Variants in CDC14B observed in about 807,000 individuals in gnomAD.
CDC14B encodes dual specificity protein phosphatase CDC14B.
A neutral mutation model predicts 64.2 loss-of-function variants in CDC14B; 22 were observed. The observed-to-expected ratio is 0.34, with a 90% CI of 0.24 to 0.49. CDC14B has a LOEUF of 0.49. Ranked by LOEUF, CDC14B falls within the 20% of genes least tolerant of loss-of-function variation. CDC14B has a pLI of 0.99. For missense variants in CDC14B, 498 were observed against 629.9 expected (o/e 0.79, Z 2.24); for synonymous variants, 191 against 215.8 (o/e 0.89, Z 1.01).
intron 1 of CDC14B, among the ~76,000 whole-genome samples, chr9:96,614,271 T>C (rs1445497628): frequency 6.6e-6 from 1 of 152,018 alleles, no homozygotes; most frequent in Non-Finnish European, 1.5e-5. Flanking sequence ...AGTTTCACTA[T>C]GTCTCTTTTG....
intron 1 of CDC14B, among the ~76,000 whole-genome samples, chr9:96,566,611 T>C (rs375631455): frequency 6.6e-6 from 1 of 152,116 alleles, no homozygotes; most frequent in South Asian, 2.1e-4. Context: ...ATGAGCGCTG[T>C]AGCCCAGAGC....
chr9:96,614,256 G>A (rs1235885931), intron 1 of CDC14B, among the ~76,000 whole-genome samples: 2 of 147,902 alleles, frequency 1.4e-5, no homozygotes, highest in Non-Finnish European at 3.0e-5. Context: ...TTTTTTTTGA[G>A]ACGGAGTTTC....
chr9:96,566,729 C>T (rs758549727), intron 1 of CDC14B: 23 of 1,581,974 alleles, frequency 1.5e-5, no homozygotes, highest in Admixed American at 1.7e-5. Context: ...AGCGCGGGTG[C>T]CGGAGCCCCC....
chr9:96,587,987 T>C (rs1588037308), intron 1 of CDC14B, among the ~76,000 whole-genome samples: 1 of 152,082 alleles, frequency 6.6e-6, no homozygotes, highest in East Asian at 1.9e-4. Context: ...CTTTATACGA[T>C]ATGGCTTTCA....
chr9:96,613,012 C>A (rs1186414109), intron 1 of CDC14B, among the ~76,000 whole-genome samples: 3 of 152,188 alleles, frequency 2.0e-5, no homozygotes, highest in Non-Finnish European at 2.9e-5. Flanking sequence ...TAGCACAGGA[C>A]TAACTAGGAG....
At chr9:96,578,124 C>T (rs1844917530) in intron 1 of CDC14B, among the ~76,000 whole-genome samples, 1 of 152,162 alleles carries the variant, frequency 6.6e-6, no homozygotes, top group Admixed American at 6.5e-5. Context: ...ACCTGAAAAA[C>T]TGCAATAGTC....
intron 12 of CDC14B, among the ~76,000 whole-genome samples, chr9:96,519,241 C>A (rs1836270018): frequency 6.6e-6 from 1 of 152,166 alleles, no homozygotes; most frequent in African/African-American, 2.4e-5. Context: ...GAACGACAGG[C>A]CTCATGGCTC....
intron 9 of CDC14B, among the ~76,000 whole-genome samples, chr9:96,530,412 C>T (rs1838278037): frequency 1.3e-5 from 2 of 150,492 alleles, no homozygotes; most frequent in Admixed American, 6.6e-5. Flanking sequence ...CCTGCCTTAG[C>T]ATGCGCCACG....
chr9:96,546,738 C>A (rs933021727), intron 5 of CDC14B, among the ~76,000 whole-genome samples: 1 of 151,888 alleles, frequency 6.6e-6, no homozygotes, highest in African/African-American at 2.4e-5. Flanking sequence ...GCGTGAGCCA[C>A]CGCGCCCGGC....
intron 5 of CDC14B, among the ~76,000 whole-genome samples, chr9:96,549,764 G>C (rs1290778952): frequency 6.6e-6 from 1 of 152,154 alleles, no homozygotes; most frequent in Non-Finnish European, 1.5e-5. Context: ...TTCTAGCTAA[G>C]TCTTGCCTTT....
intron 1 of CDC14B, among the ~76,000 whole-genome samples, chr9:96,613,863 A>C (rs1847465892): frequency 6.6e-6 from 1 of 152,370 alleles, no homozygotes; most frequent in African/African-American, 2.4e-5. Context: ...ATGAATATGC[A>C]TGACTATTTT....
At chr9:96,599,979 C>T (rs1269812885) in intron 1 of CDC14B, among the ~76,000 whole-genome samples, 1 of 152,182 alleles carries the variant, frequency 6.6e-6, no homozygotes, top group Non-Finnish European at 1.5e-5. Flanking sequence ...ATCCATCCAC[C>T]TTGGCATCCC....
At chr9:96,598,380 A>G (rs16911384) in intron 1 of CDC14B, among the ~76,000 whole-genome samples, 1 of 152,216 alleles carries the variant, frequency 6.6e-6, no homozygotes, top group African/African-American at 2.4e-5. Context: ...TCTGTCACCC[A>G]GGCTGGAGTG....
chr9:96,582,899 G>A (rs1048029075), intron 1 of CDC14B, among the ~76,000 whole-genome samples: 8 of 152,266 alleles, frequency 5.3e-5, no homozygotes, highest in Admixed American at 1.3e-4. Flanking sequence ...GGCCTGGGTT[G>A]TTTATTTACT....
intron 1 of CDC14B, among the ~76,000 whole-genome samples, chr9:96,574,737 TAAC>T (rs1273067493): frequency 4.1e-5 from 6 of 147,576 alleles, no homozygotes; most frequent in African/African-American, 1.6e-4. Context: ...TGTTTCTGTT[TAAC>T]ACAGGAGCCC....
rs199974150 is a variant in CDC14B, at chr9:96,534,016, G to A, written c.857C>T (p.Ala286Val). Residue 286 changes from alanine (A) to valine (V), a missense_variant, in exon 9 of 14, where the codon GCG (alanine) becomes GTG (valine). Transcript: ENST00000375241. ...AGFDHHDLFF[A>V]DGSTPTDAIV... Reference sequence around the variant, plus strand: ...GGCATCAGTAGGGGTGCTGCCATCCGCAAAGAAAAGATCATGGTGATCGAA... The same window carrying A: ...GGCATCAGTAGGGGTGCTGCCATCCACAAAGAAAAGATCATGGTGATCGAA... 34 of 1,612,552 alleles carry A rather than the reference G, an allele frequency of 2.1e-5. No homozygotes were observed. In the East Asian group the frequency reaches 3.1e-4, roughly 15 times the overall value.
In CDC14B at chr9:96,534,525, A is replaced by G; in HGVS notation, c.645T>C (p.Asp215=). 1 of 1,613,076 alleles carries G rather than the reference A, an allele frequency of 6.2e-7. No homozygotes were observed. The highest frequency in any genetic ancestry group is 8.5e-7 in the Non-Finnish European group (1 of 1,179,148). ...ATCGGTCTGGTATTATCCAATTTAA[A>G]TCTCCATTTTCTGCTTTCTGCAAGG... ...YEHYEKAENG[D]LNWIIPDRFI... Residue 215 remains aspartate, a synonymous_variant, in exon 8 of 14, where the codon GAT becomes GAC. Coordinates refer to ENST00000375241, the MANE Select transcript of CDC14B (RefSeq NM_033331.4).
At chr9:96,533,762 G>GA (rs1202048255) in intron 9 of CDC14B, among the ~76,000 whole-genome samples, 165 bp downstream of exon 9, 2 of 152,138 alleles carry the variant, frequency 1.3e-5, no homozygotes, top group African/African-American at 4.8e-5. Flanking sequence ...AATTACTTAT[G>GA]AAAATAAGTT....
chr9:96,529,084 GTT>G (rs1227841966), intron 9 of CDC14B, among the ~76,000 whole-genome samples: 1 of 152,128 alleles, frequency 6.6e-6, no homozygotes, highest in Non-Finnish European at 1.5e-5. Flanking sequence ...ATGCACAAAA[GTT>G]TTAAAATTTT....
Sources: gnomAD v4.1 joint callset for allele counts (sites outside exome capture counted in the v4.1 genomes callset) on GRCh38, gnomAD v4.1.1 for gene constraint, MANE v1.5 for transcripts, NCBI Gene and HGNC (gene_info 2026-07-23, HGNC 2026-07-21) for gene names.